HIVEP2: variants seen among roughly 807,000 people sequenced by gnomAD.
HIVEP2 encodes transcription factor HIVEP2.
A neutral mutation model predicts 180.7 loss-of-function variants in HIVEP2; 14 were observed. The observed-to-expected ratio is 0.08, with a 90% CI of 0.05 to 0.12. HIVEP2 has a LOEUF of 0.12. HIVEP2 is among the 10% of genes least tolerant of loss of function. The pLI, the probability that HIVEP2 is intolerant of heterozygous loss-of-function variation, is 1.00. For synonymous variants in HIVEP2, 1,184 were observed against 1,136.4 expected, an observed-to-expected ratio of 1.04 and a Z score of -0.84; for missense variants, 2,579 against 3,008.5, an observed-to-expected ratio of 0.86 and a Z score of 3.34.
chr6:142,795,986 G>A (rs1776268630), intron 2 of HIVEP2, among the ~76,000 whole-genome samples: 1 of 152,126 alleles, frequency 6.6e-6, no homozygotes, highest in East Asian at 1.9e-4. Flanking sequence ...AAAGGTGCTG[G>A]CCCATTTCTC....
At chr6:142,891,257 C>T (rs1323886946) in intron 1 of HIVEP2, among the ~76,000 whole-genome samples, 1 of 152,024 alleles carries the variant, frequency 6.6e-6, no homozygotes, top group East Asian at 1.9e-4. Flanking sequence ...GTCTAGAACT[C>T]CTGTTCTTGT....
intron 1 of HIVEP2, among the ~76,000 whole-genome samples, chr6:142,873,992 T>A (rs372405182): frequency 1.3e-5 from 2 of 152,178 alleles, no homozygotes; most frequent in African/African-American, 4.8e-5. Flanking sequence ...ACACCATACT[T>A]AAATTGACCC....
intron 1 of HIVEP2, among the ~76,000 whole-genome samples, chr6:142,941,117 A>G (rs1778167450): frequency 6.6e-6 from 1 of 152,230 alleles, no homozygotes; most frequent in African/African-American, 2.4e-5. Flanking sequence ...GCCTAGAACA[A>G]TAGTGACCCA....
intron 2 of HIVEP2, among the ~76,000 whole-genome samples, chr6:142,807,560 G>A (rs1039756122): frequency 6.6e-6 from 1 of 151,944 alleles, no homozygotes; most frequent in Non-Finnish European, 1.5e-5. Context: ...GGATACCCAC[G>A]TTCTCATAAA....
chr6:142,911,878 G>T (rs147403384), intron 1 of HIVEP2, among the ~76,000 whole-genome samples: 1 of 152,116 alleles, frequency 6.6e-6, no homozygotes, highest in Non-Finnish European at 1.5e-5. Context: ...TTAACTGACC[G>T]CTCATCATTT....
intron 1 of HIVEP2, among the ~76,000 whole-genome samples, chr6:142,909,884 G>A (rs982469955): frequency 6.6e-6 from 1 of 152,178 alleles, no homozygotes; most frequent in Non-Finnish European, 1.5e-5. Flanking sequence ...GCTTACATTT[G>A]CTTACCCCTG....
chr6:142,884,000 T>C (rs1397354273), intron 1 of HIVEP2, among the ~76,000 whole-genome samples: 1 of 152,208 alleles, frequency 6.6e-6, no homozygotes, highest in Non-Finnish European at 1.5e-5. Context: ...TTTAAATGTC[T>C]AAAATTGAAA....
In HIVEP2 at chr6:142,887,579, C is replaced by T. The variant is rs201236094; in HGVS notation, c.-640-50532G>A. Among the ~76,000 whole-genome samples, 13 of 152,184 alleles carry T rather than the reference C, an allele frequency of 8.5e-5. No individual in the cohort carries two copies. The East Asian group carries it at 1.5e-3, about 18-fold the overall frequency. On this transcript the variant is annotated intron_variant, in intron 1 of 9. Coordinates refer to ENST00000367603, the MANE Select transcript of HIVEP2 (RefSeq NM_006734.4). ...TATTAACTATCAATTCAGAGATCAC[C>T]GATTGAATCCCATAAAAGGTTATTT... is the stretch of plus-strand genomic sequence containing the variant.
intron 1 of HIVEP2, among the ~76,000 whole-genome samples, chr6:142,897,379 C>G (rs1453829929): frequency 6.6e-6 from 1 of 152,152 alleles, no homozygotes; most frequent in South Asian, 2.1e-4. Flanking sequence ...GCGACTCCAC[C>G]CCTAGGGCTG....
intron 1 of HIVEP2, among the ~76,000 whole-genome samples, chr6:142,900,277 T>C (rs1372356164): frequency 6.6e-6 from 1 of 152,026 alleles, no homozygotes; most frequent in Non-Finnish European, 1.5e-5. Context: ...CTGGGGAAAT[T>C]GACAAAGATG....
At chr6:142,861,201 T>C (rs1184023622) in intron 1 of HIVEP2, among the ~76,000 whole-genome samples, 1 of 152,206 alleles carries the variant, frequency 6.6e-6, no homozygotes, top group African/African-American at 2.4e-5. Flanking sequence ...TTTGGTTCTG[T>C]ACGTTTCTAA....
In HIVEP2 at chr6:142,905,135, G is replaced by T. The variant is rs563556672; in HGVS notation, c.-641+39964C>A. ...TCACTTTTTAAATCCTTCCTCCATT[G>T]TATGAAATATTGGAAGACATATTGA... On this transcript the variant is annotated intron_variant, in intron 1 of 9. Coordinates refer to ENST00000367603, the MANE Select transcript of HIVEP2 (RefSeq NM_006734.4). 1.2e-4 allele frequency among the ~76,000 whole-genome samples: 18 copies of T among 152,172 alleles called. No homozygotes were observed. The South Asian group carries it at 3.3e-3, about 28-fold the overall frequency.
At chr6:142,782,696 C>T (rs957029023) in intron 3 of HIVEP2, among the ~76,000 whole-genome samples, 1 of 152,124 alleles carries the variant, frequency 6.6e-6, no homozygotes, top group African/African-American at 2.4e-5. Context: ...GATGATCATC[C>T]TCTAATTTGA....
chr6:142,775,191 A>G, intron 4 of HIVEP2, 66 bp from the exon 5 acceptor site: 1 of 496,868 alleles, frequency 2.0e-6, no homozygotes, highest in South Asian at 8.7e-5. Flanking sequence ...AAAAAAAAAA[A>G]AACCTAACTA....
chr6:142,917,084 A>T (rs1003496280), intron 1 of HIVEP2, among the ~76,000 whole-genome samples: 6 of 152,222 alleles, frequency 3.9e-5, no homozygotes, highest in African/African-American at 1.4e-4. Flanking sequence ...TGCTGCCATA[A>T]GCAATTATTA....
intron 1 of HIVEP2, among the ~76,000 whole-genome samples, chr6:142,932,041 G>A (rs1480759289): frequency 2.6e-5 from 4 of 152,022 alleles, no homozygotes; most frequent in East Asian, 1.9e-4. Context: ...CTGAGTCCTC[G>A]GCCAGGGTTG....
chr6:142,759,104 C>T (rs1438093138), intron 9 of HIVEP2, among the ~76,000 whole-genome samples: 1 of 151,998 alleles, frequency 6.6e-6, no homozygotes, highest in African/African-American at 2.4e-5. Context: ...GAGTTCGAGA[C>T]CAGCCTGGCC....
chr6:142,755,427 C>T (rs1775040085), intron 9 of HIVEP2, among the ~76,000 whole-genome samples: 1 of 152,244 alleles, frequency 6.6e-6, no homozygotes, highest in African/African-American at 2.4e-5. Context: ...GTAATGCCTA[C>T]AGTAACGATC....
chr6:142,759,183 G>T (rs1009583333), intron 9 of HIVEP2, among the ~76,000 whole-genome samples: 2 of 151,994 alleles, frequency 1.3e-5, no homozygotes, highest in African/African-American at 4.8e-5. Flanking sequence ...CACGCCTGTA[G>T]TCCCAGCTTC....
Sources: allele counts gnomAD v4.1 joint callset (sites outside exome capture counted in the v4.1 genomes callset), GRCh38; gene constraint gnomAD v4.1.1; transcripts MANE v1.5; gene names NCBI Gene and HGNC (gene_info 2026-07-23, HGNC 2026-07-21).